PELI2: variants seen among roughly 807,000 people sequenced by gnomAD.
PELI2 encodes the protein pellino E3 ubiquitin protein ligase family member 2.
PELI2 carries 23 observed loss-of-function variants against 42.3 expected under a neutral mutation model. The observed-to-expected ratio is 0.54, with a 90% CI of 0.39 to 0.77. The LOEUF (loss-of-function observed/expected upper bound fraction) is 0.77, where lower values mean the gene tolerates loss of function less well. Among genes scored for constraint, PELI2 ranks in the 30% least tolerant of loss-of-function variants. The pLI, the probability that PELI2 is intolerant of heterozygous loss-of-function variation, is 0.00. For missense variants in PELI2, 463 were observed against 553.2 expected, an observed-to-expected ratio of 0.84 and a Z score of 1.64; for synonymous variants, 245 against 212.2, an observed-to-expected ratio of 1.15 and a Z score of -1.34.
intron 2 of PELI2, among the ~76,000 whole-genome samples, chr14:56,222,473 C>G (rs1478110261): frequency 6.6e-6 from 1 of 152,208 alleles, no homozygotes; most frequent in Admixed American, 6.5e-5. Flanking sequence ...CACCACGTGC[C>G]TGTGCCAGAC....
intron 2 of PELI2, among the ~76,000 whole-genome samples, chr14:56,249,589 G>A (rs1361398842): frequency 2.6e-5 from 4 of 152,170 alleles, no homozygotes; most frequent in African/African-American, 9.7e-5. Context: ...ACTGTTCTTT[G>A]TAACCCCAGT....
At chr14:56,129,028 A>C (rs997695602) in intron 1 of PELI2, among the ~76,000 whole-genome samples, 1 of 152,020 alleles carries the variant, frequency 6.6e-6, no homozygotes, top group Admixed American at 6.6e-5. Context: ...AGGCTGAGGG[A>C]TATCCAGTGC....
intron 2 of PELI2, among the ~76,000 whole-genome samples, chr14:56,185,159 A>G (rs577251937): frequency 2.0e-5 from 3 of 152,272 alleles, no homozygotes; most frequent in African/African-American, 7.2e-5. Context: ...TATGTTTTAC[A>G]TAGAGTGAGT....
rs2139565398 is a variant in PELI2, at chr14:56,118,681, G to A, written c.21G>A (p.Glu7=). Residue 7 remains glutamate (E), a synonymous_variant, in exon 1 of 6, where the codon GAG becomes GAA. Transcript: ENST00000267460. MFSPGQ[E]EHCAPNKEPV... ...GCTCCATGTTTTCCCCTGGCCAGGA[G>A]GAACACTGCGCCCCCAATAAGGAGC... 6.6e-7 allele frequency: 1 copy of A among 1,508,986 alleles called. No individual in the cohort carries two copies. The highest frequency in any genetic ancestry group is 8.9e-7 in the Non-Finnish European group (1 of 1,127,908). The allele number at this position is 1,508,986 out of a possible 1,614,324, so 93.5% of individuals were successfully genotyped here. A position where few individuals can be genotyped will look rare whatever the true frequency, so the allele number is the denominator to read the frequency against.
intron 2 of PELI2, among the ~76,000 whole-genome samples, chr14:56,200,886 A>G (rs1479743): frequency 0.4 from 61,324 of 152,100 alleles, 13,072 homozygotes; most frequent in South Asian, 0.53. Context: ...TCTAATGGCC[A>G]TTAGTGATCA....
At chr14:56,141,131 G>T (rs1358978511) in intron 1 of PELI2, among the ~76,000 whole-genome samples, 1 of 152,128 alleles carries the variant, frequency 6.6e-6, no homozygotes, top group Non-Finnish European at 1.5e-5. Context: ...ACAGTTTCCT[G>T]GGAAGTCTGG....
chr14:56,263,180 C>T (rs955360250), intron 2 of PELI2, among the ~76,000 whole-genome samples: 2 of 152,088 alleles, frequency 1.3e-5, no homozygotes, highest in Non-Finnish European at 2.9e-5. Context: ...AGGCTGGTGT[C>T]GAATTCCTGA....
chr14:56,292,897 G>A, intron 5 of PELI2: 2 of 807,270 alleles, frequency 2.5e-6, no homozygotes, highest in Non-Finnish European at 3.0e-6. Flanking sequence ...CTCCAGGAGG[G>A]CCTTGAGTAT....
chr14:56,147,082 C>A (rs921886241), intron 1 of PELI2, among the ~76,000 whole-genome samples: 1 of 152,156 alleles, frequency 6.6e-6, no homozygotes, highest in African/African-American at 2.4e-5. Context: ...GTTTCTTCCA[C>A]TTAACATAAT....
chr14:56,125,350 G>A (rs1029276113), intron 1 of PELI2, among the ~76,000 whole-genome samples: 3 of 149,256 alleles, frequency 2.0e-5, no homozygotes, highest in African/African-American at 7.3e-5. Flanking sequence ...GATAAAAAAT[G>A]GAACTTCAGA....
intron 2 of PELI2, among the ~76,000 whole-genome samples, chr14:56,218,602 C>T (rs1886997674): frequency 1.3e-5 from 2 of 152,128 alleles, no homozygotes; most frequent in Non-Finnish European, 1.5e-5. Context: ...CTTTATTTTC[C>T]CTAGGAGATG....
At chr14:56,261,069 G>T (rs892941695) in intron 2 of PELI2, among the ~76,000 whole-genome samples, 2 of 151,946 alleles carry the variant, frequency 1.3e-5, no homozygotes, top group African/African-American at 4.8e-5. Flanking sequence ...CTGGCTGCAG[G>T]GAGATAGCTG....
intron 2 of PELI2, among the ~76,000 whole-genome samples, chr14:56,242,920 G>A (rs1888026181): frequency 6.6e-6 from 1 of 152,174 alleles, no homozygotes; most frequent in Non-Finnish European, 1.5e-5. Flanking sequence ...CCCAGGTGAT[G>A]GGTGCACCAC....
At chr14:56,279,553 C>T in intron 2 of PELI2, 123 bp from the exon 3 acceptor site, 1 of 514,280 alleles carries the variant, frequency 1.9e-6, no homozygotes, top group Non-Finnish European at 3.4e-6. Context: ...AAAAACCTGA[C>T]TGTGTGGAAA....
At chr14:56,198,484 G>A (rs950016369) in intron 2 of PELI2, among the ~76,000 whole-genome samples, 4 of 152,238 alleles carry the variant, frequency 2.6e-5, no homozygotes, top group Admixed American at 2.6e-4. Context: ...CATGCACTGA[G>A]TGAGTCCAGT....
intron 2 of PELI2, among the ~76,000 whole-genome samples, chr14:56,250,912 G>A (rs1166258413): frequency 6.6e-6 from 1 of 152,226 alleles, no homozygotes; most frequent in East Asian, 1.9e-4. Context: ...GAGAAACCAG[G>A]AAGGAGGTGA....
At chr14:56,155,519 C>A (rs1300520912) in intron 1 of PELI2, among the ~76,000 whole-genome samples, 1 of 151,958 alleles carries the variant, frequency 6.6e-6, no homozygotes, top group East Asian at 1.9e-4. Flanking sequence ...AATATATCAA[C>A]AGTCTATTTC....
intron 2 of PELI2, among the ~76,000 whole-genome samples, chr14:56,276,708 A>G (rs935531472): frequency 3.3e-5 from 5 of 152,152 alleles, no homozygotes; most frequent in Admixed American, 6.5e-5. Context: ...CCAAATTCCA[A>G]GGCCTCCAAA....
chr14:56,248,720 G>A (rs1888243663), intron 2 of PELI2, among the ~76,000 whole-genome samples: 1 of 152,074 alleles, frequency 6.6e-6, no homozygotes, highest in Admixed American at 6.5e-5. Flanking sequence ...GGGAGGTGTA[G>A]AGAAAAGGGG....
Sources: allele counts gnomAD v4.1 joint callset (sites outside exome capture counted in the v4.1 genomes callset), GRCh38; gene constraint gnomAD v4.1.1; transcripts MANE v1.5; gene names NCBI Gene and HGNC (gene_info 2026-07-23, HGNC 2026-07-21).